The following RNF150 variants were observed in gnomAD, a reference collection of about 807,000 sequenced individuals.
RNF150 encodes ring finger protein 150.
In RNF150, 24 loss-of-function variants were observed where a neutral mutation model predicts 39.3. That is an observed-to-expected ratio of 0.61 (90% CI 0.44 to 0.86). The LOEUF is 0.86. Ranked by LOEUF, RNF150 falls within the 40% of genes least tolerant of loss-of-function variation. The pLI, the probability that RNF150 is intolerant of heterozygous loss-of-function variation, is 0.00. For missense variants in RNF150, 502 were observed against 587.8 expected, an observed-to-expected ratio of 0.85 and a Z score of 1.51; for synonymous variants, 255 against 227.3, an observed-to-expected ratio of 1.12 and a Z score of -1.10.
chr4:141,082,457 GA>G (rs1560728677), intron 1 of RNF150, among the ~76,000 whole-genome samples: 1 of 152,190 alleles, frequency 6.6e-6, no homozygotes, highest in Non-Finnish European at 1.5e-5. Context: ...TTCATTTCCT[GA>G]GACAAATGAT....
chr4:140,969,485 G>C (rs1167933478), intron 1 of RNF150, among the ~76,000 whole-genome samples: 1 of 152,016 alleles, frequency 6.6e-6, no homozygotes, highest in Non-Finnish European at 1.5e-5. Context: ...GGTTGTGTGG[G>C]GGATTAAGGC....
chr4:141,011,398 T>G lies in RNF150; in HGVS notation c.485-43525A>C, dbSNP rs574530338. On this transcript the variant is annotated intron_variant, in intron 1 of 6. Transcript: ENST00000515673. The stretch of plus-strand genomic sequence containing the variant: ...TTGAATGTCTACCCCTCACTTGAGA[T>G]TCTTCTCCTCAATAGTTCTAACTTT... Among the ~76,000 whole-genome samples, 12 of 152,346 alleles carry G rather than the reference T, an allele frequency of 7.9e-5. No homozygotes were observed. The South Asian group carries it at 1.0e-3, about 13-fold the overall frequency.
At chr4:140,980,180 C>G (rs971729325) in intron 1 of RNF150, among the ~76,000 whole-genome samples, 2 of 152,102 alleles carry the variant, frequency 1.3e-5, no homozygotes, top group African/African-American at 4.8e-5. Context: ...GGTGCTGGGA[C>G]TACAGGCTTG....
At chr4:140,996,563 G>T (rs114845036) in intron 1 of RNF150, among the ~76,000 whole-genome samples, 2 of 152,200 alleles carry the variant, frequency 1.3e-5, no homozygotes, top group African/African-American at 4.8e-5. Context: ...AATCATAACT[G>T]CTCTGGCTAC....
chr4:141,187,094 C>T (rs1445898417), intron 1 of RNF150, among the ~76,000 whole-genome samples: 1 of 152,090 alleles, frequency 6.6e-6, no homozygotes, highest in East Asian at 1.9e-4. Flanking sequence ...TTTATTTCTG[C>T]CTTAAATTTG....
chr4:141,142,263 C>T (rs1727128923), intron 1 of RNF150, among the ~76,000 whole-genome samples: 1 of 152,176 alleles, frequency 6.6e-6, no homozygotes, highest in Non-Finnish European at 1.5e-5. Flanking sequence ...GTATCCTTTT[C>T]TGTTGTTTAA....
chr4:141,165,661 A>G (rs1218154283), intron 1 of RNF150, among the ~76,000 whole-genome samples: 1 of 152,184 alleles, frequency 6.6e-6, no homozygotes, highest in Non-Finnish European at 1.5e-5. Context: ...AAACCACACA[A>G]CTACATGGAA....
chr4:140,912,993 G>A (rs1309350147), intron 5 of RNF150, among the ~76,000 whole-genome samples: 7 of 150,784 alleles, frequency 4.6e-5, no homozygotes, highest in Non-Finnish European at 7.4e-5. Flanking sequence ...AACACCATGG[G>A]CTGGGCGTGG....
intron 1 of RNF150, among the ~76,000 whole-genome samples, chr4:141,038,703 G>T (rs74622421): frequency 3.3e-5 from 5 of 151,376 alleles, no homozygotes; most frequent in Non-Finnish European, 7.4e-5. Flanking sequence ...AAAAAAAAAA[G>T]AATCTCTTTC....
At chr4:141,205,034 T>A (rs1728352674) in intron 1 of RNF150, among the ~76,000 whole-genome samples, 1 of 152,180 alleles carries the variant, frequency 6.6e-6, no homozygotes, top group Non-Finnish European at 1.5e-5. Flanking sequence ...AATAAAATGG[T>A]CTTACATCAA....
chr4:140,957,267 G>A (rs1344073899), intron 2 of RNF150, among the ~76,000 whole-genome samples: 3 of 151,936 alleles, frequency 2.0e-5, no homozygotes, highest in Admixed American at 1.3e-4. Flanking sequence ...TCTCAAAAGA[G>A]GACATTTATG....
At chr4:140,877,324 T>C (rs1246477124) in intron 6 of RNF150, among the ~76,000 whole-genome samples, 1 of 151,750 alleles carries the variant, frequency 6.6e-6, no homozygotes, top group East Asian at 1.9e-4. Context: ...AGTTTTTTTT[T>C]ACAATGCCCA....
intron 1 of RNF150, among the ~76,000 whole-genome samples, chr4:141,028,313 G>A (rs1735799482): frequency 6.6e-6 from 1 of 152,150 alleles, no homozygotes; most frequent in South Asian, 2.1e-4. Flanking sequence ...CATAAATGGT[G>A]TTCAGTCACT....
intron 6 of RNF150, among the ~76,000 whole-genome samples, chr4:140,870,556 G>T (rs549417997): frequency 1.1e-3 from 160 of 152,156 alleles, no homozygotes; most frequent in African/African-American, 3.6e-3. Flanking sequence ...AAATTCTCAA[G>T]TGCAAATTAC....
chr4:141,014,695 T>C (rs963973973), intron 1 of RNF150, among the ~76,000 whole-genome samples: 1 of 152,216 alleles, frequency 6.6e-6, no homozygotes, highest in Non-Finnish European at 1.5e-5. Flanking sequence ...GTTGTTTTCT[T>C]GCTATTGAGT....
At chr4:140,920,744 T>G (rs1436609632) in intron 5 of RNF150, among the ~76,000 whole-genome samples, 1 of 152,080 alleles carries the variant, frequency 6.6e-6, no homozygotes, top group African/African-American at 2.4e-5. Flanking sequence ...ACACATACGT[T>G]TATTGCGGCA....
chr4:141,049,733 G>C (rs1736707837), intron 1 of RNF150, among the ~76,000 whole-genome samples: 1 of 152,114 alleles, frequency 6.6e-6, no homozygotes. Context: ...TGATTCCACT[G>C]TTGTAAATTC....
chr4:141,046,087 C>A lies in RNF150; in HGVS notation c.485-78214G>T, dbSNP rs185895793. Reference sequence around the variant, plus strand: ...GAAGAGCCTAAATTGTATAGATTGACATATAGAAGATGGACAGAAATGGAA... The same window carrying A: ...GAAGAGCCTAAATTGTATAGATTGAAATATAGAAGATGGACAGAAATGGAA... On this transcript the variant is annotated intron_variant, in intron 1 of 6. Coordinates refer to ENST00000515673, the MANE Select transcript of RNF150 (RefSeq NM_020724.2). Among the ~76,000 whole-genome samples, 8 of 152,064 alleles carry A rather than the reference C, an allele frequency of 5.3e-5. No homozygotes were observed. In the East Asian group the frequency reaches 1.2e-3, roughly 22 times the overall value.
At chr4:141,118,960 C>T (rs941596572) in intron 1 of RNF150, among the ~76,000 whole-genome samples, 2 of 152,070 alleles carry the variant, frequency 1.3e-5, no homozygotes, top group African/African-American at 4.8e-5. Flanking sequence ...AGGGTTTTGC[C>T]TTGTTGGCCA....
Sources: gnomAD v4.1 joint callset for allele counts (sites outside exome capture counted in the v4.1 genomes callset) on GRCh38, gnomAD v4.1.1 for gene constraint, MANE v1.5 for transcripts, NCBI Gene and HGNC (gene_info 2026-07-23, HGNC 2026-07-21) for gene names.